SLCO3A1: variants seen among roughly 807,000 people sequenced by gnomAD.
SLCO3A1 encodes PGE1 transporter.
Under a neutral mutation model 63.1 loss-of-function variants are expected in SLCO3A1, and 27 were observed. That is an observed-to-expected ratio of 0.43 (90% CI 0.32 to 0.59). The LOEUF is 0.59. SLCO3A1 is among the 20% of genes least tolerant of loss of function. SLCO3A1 has a pLI of 0.09. For synonymous variants in SLCO3A1, 473 were observed against 409.9 expected (o/e 1.15, Z -1.86); for missense variants, 773 against 945.8 (o/e 0.82, Z 2.40).
At chr15:92,043,320 C>T (rs1179386329) in intron 2 of SLCO3A1, among the ~76,000 whole-genome samples, 1 of 152,208 alleles carries the variant, frequency 6.6e-6, no homozygotes, top group East Asian at 1.9e-4. Context: ...CACTCTGTCT[C>T]TTTAATTGCA....
downstream of SLCO3A1, among the ~76,000 whole-genome samples, chr15:92,169,964 T>C (rs187398461): frequency 5.8e-4 from 88 of 152,240 alleles, 2 homozygotes; most frequent in East Asian, 0.015. Context: ...CAATCAGGAG[T>C]TGGTGATTAT....
intron 4 of SLCO3A1, among the ~76,000 whole-genome samples, chr15:92,115,751 T>G (rs1029187384): frequency 7.1e-6 from 1 of 140,598 alleles, no homozygotes; most frequent in Non-Finnish European, 1.5e-5. Context: ...CTCTTTCAGC[T>G]CTACAATTCT....
downstream of SLCO3A1, among the ~76,000 whole-genome samples, chr15:92,170,653 G>T (rs1294117225): frequency 2.6e-5 from 4 of 152,310 alleles, no homozygotes; most frequent in African/African-American, 9.6e-5. Context: ...GAAACCCCTA[G>T]CAGGAGTCTA....
At chr15:91,866,079 G>A (rs977508856) in intron 1 of SLCO3A1, among the ~76,000 whole-genome samples, 4 of 152,156 alleles carry the variant, frequency 2.6e-5, no homozygotes, top group African/African-American at 4.8e-5. Context: ...TACTCTCTGG[G>A]GTGGTGGTGA....
intron 2 of SLCO3A1, among the ~76,000 whole-genome samples, chr15:91,921,601 CA>C (rs1898847407): frequency 6.6e-6 from 1 of 152,026 alleles, no homozygotes; most frequent in South Asian, 2.1e-4. Context: ...TGGCAAAATA[CA>C]GGAAAGTCCC....
intron 2 of SLCO3A1, among the ~76,000 whole-genome samples, chr15:92,076,974 C>T (rs747799536): frequency 2.6e-5 from 4 of 152,190 alleles, no homozygotes; most frequent in Admixed American, 1.3e-4. Context: ...ACTCACAGTT[C>T]AGGATGGCTG....
At chr15:92,085,604 T>TA (rs1477177047) in intron 2 of SLCO3A1, among the ~76,000 whole-genome samples, 1 of 152,230 alleles carries the variant, frequency 6.6e-6, no homozygotes, top group Admixed American at 6.5e-5. Flanking sequence ...TGTATGTACT[T>TA]ATATCACGCA....
intron 2 of SLCO3A1, among the ~76,000 whole-genome samples, chr15:92,008,519 C>T (rs564525784): frequency 4.6e-5 from 7 of 152,138 alleles, no homozygotes; most frequent in South Asian, 2.1e-4. Context: ...AAGATGTTTT[C>T]GTTTTAAATT....
intron 2 of SLCO3A1, among the ~76,000 whole-genome samples, chr15:92,072,353 C>A (rs757816512): frequency 6.6e-6 from 1 of 151,744 alleles, no homozygotes; most frequent in Non-Finnish European, 1.5e-5. Context: ...CTCATTATAA[C>A]CAACTGAACT....
At chr15:92,083,189 G>A (rs1307823596) in intron 2 of SLCO3A1, among the ~76,000 whole-genome samples, 3 of 152,160 alleles carry the variant, frequency 2.0e-5, no homozygotes, top group Admixed American at 6.5e-5. Context: ...AGGAGAGACC[G>A]TTTTCTTGTT....
At chr15:92,051,937 T>C (rs2046962908) in intron 2 of SLCO3A1, among the ~76,000 whole-genome samples, 1 of 152,194 alleles carries the variant, frequency 6.6e-6, no homozygotes, top group Non-Finnish European at 1.5e-5. Flanking sequence ...TTTGGGCAGA[T>C]GTACTGGGGA....
chr15:92,170,732 G>A (rs180814998), downstream of SLCO3A1: 43 of 152,338 alleles, frequency 2.8e-4, no homozygotes, highest in Admixed American at 2.5e-3. Flanking sequence ...TATGGGCACA[G>A]GAATCTAGGT....
At chr15:92,006,979 A>G (rs566639001) in intron 2 of SLCO3A1, among the ~76,000 whole-genome samples, 2 of 152,350 alleles carry the variant, frequency 1.3e-5, no homozygotes, top group South Asian at 2.1e-4. Context: ...GTTAATTGAT[A>G]GTTTGGGAAT....
intron 2 of SLCO3A1, among the ~76,000 whole-genome samples, chr15:91,993,340 T>G (rs79224075): frequency 0.017 from 2,564 of 152,328 alleles, 78 homozygotes; most frequent in African/African-American, 0.059. Flanking sequence ...AGAGCACTTT[T>G]GGTTTGAAGT....
intron 2 of SLCO3A1, among the ~76,000 whole-genome samples, chr15:92,087,640 T>A (rs1050675040): frequency 6.7e-6 from 1 of 150,280 alleles, no homozygotes; most frequent in Non-Finnish European, 1.5e-5. Context: ...TGCCTCGGCC[T>A]CCTGAGTGCC....
intron 2 of SLCO3A1, among the ~76,000 whole-genome samples, chr15:92,045,225 A>G (rs2046846318): frequency 6.7e-6 from 1 of 148,938 alleles, no homozygotes; most frequent in Non-Finnish European, 1.5e-5. Context: ...GGTTCCAGTG[A>G]GTTGAGATCA....
intron 2 of SLCO3A1, among the ~76,000 whole-genome samples, chr15:91,974,265 G>GTTGTTGTTATTA (rs147991710): frequency 1.4e-3 from 205 of 142,956 alleles, no homozygotes; most frequent in African/African-American, 5.2e-3. Flanking sequence ...TTTCATTATT[G>GTTGTTGTTATTA]TTATTATTAT....
intron 2 of SLCO3A1, among the ~76,000 whole-genome samples, chr15:92,044,043 G>A (rs908966647): frequency 1.3e-5 from 2 of 152,110 alleles, no homozygotes; most frequent in Admixed American, 6.5e-5. Context: ...CTTCAGCCTG[G>A]TTCTCTCCTA....
chr15:91,872,384 T>A lies in SLCO3A1; in HGVS notation c.180+18296T>A, dbSNP rs903538554. Among the ~76,000 whole-genome samples, 6 of 151,864 alleles carry A rather than the reference T, an allele frequency of 4.0e-5. No individual in the cohort carries two copies. Among genetic ancestry groups the A allele is most frequent in the Non-Finnish European group, 8.8e-5 (6 of 67,966 alleles). On this transcript the variant is annotated intron_variant, in intron 1 of 9. Transcript: ENST00000318445. The surrounding 1 kb of genome is among the most constrained non-coding windows in gnomAD (Gnocchi z 4.1). ...CTTCTCTACTAAAAATACAAAAAAA[T>A]AGCCGGGCATGGTGGCAGTTGCCTG... is the stretch of plus-strand genomic sequence containing the variant.
Sources: allele counts gnomAD v4.1 joint callset (sites outside exome capture counted in the v4.1 genomes callset), GRCh38; gene constraint gnomAD v4.1.1; non-coding constraint Gnocchi (gnomAD v3.1); transcripts MANE v1.5; gene names NCBI Gene and HGNC (gene_info 2026-07-23, HGNC 2026-07-21).